PTPRR: variants seen among roughly 807,000 people sequenced by gnomAD.
PTPRR encodes the protein protein tyrosine phosphatase receptor type R.
In PTPRR, 38 loss-of-function variants were observed where a neutral mutation model predicts 77.2. The observed-to-expected ratio is 0.49, with a 90% confidence interval of 0.38 to 0.65. PTPRR has a LOEUF of 0.65. Ranked by LOEUF, PTPRR falls within the 30% of genes least tolerant of loss-of-function variation. The pLI, the probability that PTPRR is intolerant of heterozygous loss-of-function variation, is 0.00. For synonymous variants in PTPRR, 299 were observed against 283.1 expected, an observed-to-expected ratio of 1.06 and a Z score of -0.57; for missense variants, 744 against 799.2, an observed-to-expected ratio of 0.93 and a Z score of 0.83.
chr12:70,704,456 A>G (rs1300141774), intron 6 of PTPRR, among the ~76,000 whole-genome samples: 1 of 151,774 alleles, frequency 6.6e-6, no homozygotes, highest in Non-Finnish European at 1.5e-5. Flanking sequence ...TAAATAACGA[A>G]AAAAAAAGCC....
At chr12:70,733,728 T>A (rs988115451) in intron 6 of PTPRR, among the ~76,000 whole-genome samples, 1 of 152,254 alleles carries the variant, frequency 6.6e-6, no homozygotes, top group African/African-American at 2.4e-5. Flanking sequence ...CAGAAAAAGA[T>A]AGTTTTATAT....
intron 8 of PTPRR, among the ~76,000 whole-genome samples, chr12:70,696,286 A>G (rs555308653): frequency 2.6e-5 from 4 of 152,046 alleles, no homozygotes; most frequent in Non-Finnish European, 4.4e-5. Flanking sequence ...ACTGAGCATA[A>G]TTACCATTTA....
intron 5 of PTPRR, among the ~76,000 whole-genome samples, chr12:70,752,634 T>C (rs1329133454): frequency 6.6e-6 from 1 of 152,222 alleles, no homozygotes; most frequent in African/African-American, 2.4e-5. Context: ...TCCCTTCTTC[T>C]ATCCTTGCCT....
At chr12:70,722,654 G>A (rs549033533) in intron 6 of PTPRR, among the ~76,000 whole-genome samples, 24 of 152,188 alleles carry the variant, frequency 1.6e-4, no homozygotes, top group African/African-American at 5.5e-4. Context: ...GTTCAGTGAC[G>A]AGGGATATGT....
At chr12:70,813,683 G>A (rs1295180688) in intron 2 of PTPRR, among the ~76,000 whole-genome samples, 1 of 152,178 alleles carries the variant, frequency 6.6e-6, no homozygotes, top group East Asian at 1.9e-4. Flanking sequence ...AGTGGGATGA[G>A]CGTCACCAGC....
Position 70,725,729 on chromosome 12 carries a change from CT to C in PTPRR, c.1007+20088del, listed in dbSNP as rs1430215977. Reference sequence around the variant, plus strand: ...TAAAAAAAATTAGAATTGGTTATTTCTTTAGAGTAATGGTAAAACATCCCTT... The same window carrying C: ...TAAAAAAAATTAGAATTGGTTATTTCTTAGAGTAATGGTAAAACATCCCTT... On this transcript the variant is annotated intron_variant, in intron 6 of 13. Transcript: ENST00000283228. Among the ~76,000 whole-genome samples the C allele has an allele frequency of 3.9e-5, 6 of 152,200 alleles. No individual in the cohort carries two copies. The East Asian group carries it at 1.2e-3, about 29-fold the overall frequency.
rs1284027245 is a variant in PTPRR, at chr12:70,772,572, C to A, written c.358-7794G>T. Among the ~76,000 whole-genome samples the A allele has an allele frequency of 3.9e-5, 6 of 152,016 alleles. No individual in the cohort carries two copies. In the South Asian group the frequency reaches 1.2e-3, roughly 32 times the overall value. On this transcript the variant is annotated intron_variant, in intron 2 of 13. Transcript: ENST00000283228. Reference sequence around the variant, plus strand: ...GGAAAGTCAAAAGAGGTATAGGGTTCCCAGTCAAGATGATGGGCCCAGCTA... The same window carrying A: ...GGAAAGTCAAAAGAGGTATAGGGTTACCAGTCAAGATGATGGGCCCAGCTA...
intron 1 of PTPRR, among the ~76,000 whole-genome samples, chr12:70,904,391 T>C (rs77389939): frequency 0.063 from 9,545 of 151,780 alleles, 368 homozygotes; most frequent in African/African-American, 0.076. Context: ...AAAAGTGAGC[T>C]ATTGATCCAC....
At chr12:70,911,750 G>A (rs1166179727) in intron 1 of PTPRR, among the ~76,000 whole-genome samples, 126 of 105,716 alleles carry the variant, frequency 1.2e-3, no homozygotes, top group South Asian at 1.6e-3. Flanking sequence ...AGGCTCAACT[G>A]AAAAAAAAAA....
intron 13 of PTPRR, chr12:70,639,579 A>G (rs1219544873): frequency 1.0e-6 from 1 of 994,822 alleles, no homozygotes; most frequent in Non-Finnish European, 1.2e-6. Flanking sequence ...ATTTGGCATC[A>G]GCCAAGGTGA....
chr12:70,865,113 G>T (rs951869699), intron 2 of PTPRR, among the ~76,000 whole-genome samples: 22 of 152,048 alleles, frequency 1.4e-4, no homozygotes, highest in African/African-American at 5.1e-4. Context: ...GTGCCCGACC[G>T]AGATCTGATG....
intron 2 of PTPRR, among the ~76,000 whole-genome samples, chr12:70,775,174 T>C (rs555743762): frequency 6.7e-6 from 1 of 150,372 alleles, no homozygotes; most frequent in Non-Finnish European, 1.5e-5. Context: ...ATTTTTATTG[T>C]TATTACAAAT....
At chr12:70,672,536 T>A in intron 10 of PTPRR, 1 of 1,307,060 alleles carries the variant, frequency 7.7e-7, no homozygotes, top group South Asian at 1.2e-5. Flanking sequence ...CAGTGGCTGC[T>A]GGGAAAAACC....
chr12:70,684,223 G>T lies in PTPRR; in HGVS notation c.1401C>A (p.Gly467=). Residue 467 remains glycine, a synonymous_variant, in exon 10 of 14, where the codon GGC becomes GGA. Coordinates refer to ENST00000283228, the MANE Select transcript of PTPRR (RefSeq NM_002849.4). ...GKEKAFIATQ[G]PMINTVDDFW... ...AATCATCCACGGTGTTGATCATGGGGCCCTGCGTGGCAATGAAGGCTTTCT... is the reference window on the plus strand; with the variant it reads ...AATCATCCACGGTGTTGATCATGGGTCCCTGCGTGGCAATGAAGGCTTTCT... 1.2e-6 allele frequency: 2 copies of T among 1,614,018 alleles called. No individual in the cohort carries two copies. The highest frequency in any genetic ancestry group is 1.7e-6 in the Non-Finnish European group (2 of 1,179,936).
At chr12:70,842,141 A>G (rs934703343) in intron 2 of PTPRR, among the ~76,000 whole-genome samples, 1 of 152,226 alleles carries the variant, frequency 6.6e-6, no homozygotes, top group African/African-American at 2.4e-5. Context: ...CTTTTTATGC[A>G]TGACTTGTGA....
rs181639726 is a variant in PTPRR at position 70,811,908 on chromosome 12, A to C, written c.358-47130T>G. 3.0e-3 allele frequency among the ~76,000 whole-genome samples: 457 copies of C among 152,314 alleles called. 3 individuals carry two copies. Among genetic ancestry groups the C allele is most frequent in the Non-Finnish European group, 4.9e-3 (334 of 68,010 alleles). On this transcript the variant is annotated intron_variant, in intron 2 of 13. Transcript: ENST00000283228. ...TGCCTGATTCCAAAGCAGCCAATTA[A>C]GCAAAATTTTAATGATGTCATCTAG...
At chr12:70,647,829 G>C (rs547203497) in intron 13 of PTPRR, among the ~76,000 whole-genome samples, 7 of 152,056 alleles carry the variant, frequency 4.6e-5, no homozygotes, top group Non-Finnish European at 8.8e-5. Context: ...ATGTGATTGA[G>C]CAAAATATCC....
chr12:70,739,462 T>A (rs541104756), intron 6 of PTPRR, among the ~76,000 whole-genome samples: 2 of 152,196 alleles, frequency 1.3e-5, no homozygotes, highest in Non-Finnish European at 1.5e-5. Flanking sequence ...TTGGTTCTTA[T>A]GGAAGATTCT....
intron 2 of PTPRR, among the ~76,000 whole-genome samples, chr12:70,846,823 T>C (rs1592790311): frequency 6.6e-6 from 1 of 152,136 alleles, no homozygotes; most frequent in Admixed American, 6.6e-5. Context: ...CTACTTGGTT[T>C]AGTGTATTTC....
Sources: allele counts gnomAD v4.1 joint callset (sites outside exome capture counted in the v4.1 genomes callset), GRCh38; gene constraint gnomAD v4.1.1; transcripts MANE v1.5; gene names NCBI Gene and HGNC (gene_info 2026-07-23, HGNC 2026-07-21).